The following FBXO36 variants were observed in gnomAD, a reference collection of about 807,000 sequenced individuals.
FBXO36 encodes F-box protein 36.
In FBXO36, 18 loss-of-function variants were observed where a neutral mutation model predicts 17.0. The observed-to-expected ratio is 1.06, with a 90% CI of 0.73 to 1.57. FBXO36 has a LOEUF of 1.57. Ranked by LOEUF, FBXO36 falls within the 40% of genes most tolerant of loss-of-function variation. FBXO36 has a pLI of 0.00. For missense variants in FBXO36, 229 were observed against 221.9 expected, an observed-to-expected ratio of 1.03 and a Z score of -0.20; for synonymous variants, 83 against 85.3, an observed-to-expected ratio of 0.97 and a Z score of 0.15.
intron 3 of FBXO36, 24 bp from the exon 4 acceptor site, chr2:230,010,672 A>G (rs2077410978): frequency 6.3e-7 from 1 of 1,586,526 alleles, no homozygotes; most frequent in South Asian, 1.1e-5. Flanking sequence ...GCTGTAACCC[A>G]CCTCTGACTT....
At chr2:229,928,387 C>CT (rs1336259617) in intron 1 of FBXO36, among the ~76,000 whole-genome samples, 1 of 152,178 alleles carries the variant, frequency 6.6e-6, no homozygotes, top group Non-Finnish European at 1.5e-5. Context: ...ATGATGCACT[C>CT]TTAAGAGTTA....
At chr2:229,926,080 A>C (rs2076910348) in intron 1 of FBXO36, among the ~76,000 whole-genome samples, 1 of 150,632 alleles carries the variant, frequency 6.6e-6, no homozygotes, top group South Asian at 2.1e-4. Context: ...GCTTGAACTA[A>C]GGAGTTTCAG....
intron 1 of FBXO36, among the ~76,000 whole-genome samples, chr2:229,928,650 A>G (rs2076924436): frequency 6.6e-6 from 1 of 152,038 alleles, no homozygotes; most frequent in Non-Finnish European, 1.5e-5. Flanking sequence ...TGTGTCCCAA[A>G]CTCCTGCTGT....
chr2:229,976,360 G>A lies in FBXO36; in HGVS notation c.205+11G>A. 1 of 1,566,096 alleles carries A rather than the reference G, an allele frequency of 6.4e-7. No individual in the cohort carries two copies. The highest frequency in any genetic ancestry group is 8.8e-7 in the Non-Finnish European group (1 of 1,136,634). On this transcript the variant is annotated intron_variant, in intron 2 of 3. Transcript: ENST00000283946. ...ATTCACATCTTCAAGGTAAGGAACG[G>A]AACATATTATATACCCCTGTTAAGT...
intron 1 of FBXO36, among the ~76,000 whole-genome samples, chr2:229,940,925 CT>C (rs1404038272): frequency 6.6e-6 from 1 of 152,154 alleles, no homozygotes; most frequent in Non-Finnish European, 1.5e-5. Flanking sequence ...GGCCCACCTA[CT>C]TGATTCGCCT....
chr2:229,945,928 A>C (rs771252640), intron 1 of FBXO36, among the ~76,000 whole-genome samples: 8 of 151,702 alleles, frequency 5.3e-5, no homozygotes, highest in Admixed American at 2.0e-4. Context: ...AGGCTGAGGC[A>C]GGAGAGTCCC....
At chr2:229,936,871 A>G (rs1053841787) in intron 1 of FBXO36, among the ~76,000 whole-genome samples, 1 of 152,164 alleles carries the variant, frequency 6.6e-6, no homozygotes, top group African/African-American at 2.4e-5. Flanking sequence ...ACCTTGTCTC[A>G]AAAATAAAAA....
At chr2:229,950,153 C>A (rs900744815) in intron 1 of FBXO36, among the ~76,000 whole-genome samples, 1 of 152,030 alleles carries the variant, frequency 6.6e-6, no homozygotes, top group Admixed American at 6.6e-5. Flanking sequence ...CCAGGCTGGG[C>A]GCAGTGGCTC....
At chr2:229,996,944 G>A in intron 3 of FBXO36, 21 bp downstream of exon 3, 2 of 1,594,600 alleles carry the variant, frequency 1.3e-6, no homozygotes, top group Non-Finnish European at 1.7e-6. Flanking sequence ...ATTATTTTAT[G>A]TCTATATAGA....
intron 1 of FBXO36, among the ~76,000 whole-genome samples, chr2:229,936,190 A>C (rs1041522566): frequency 6.6e-6 from 1 of 151,908 alleles, no homozygotes; most frequent in Non-Finnish European, 1.5e-5. Flanking sequence ...CGTCTCAAAA[A>C]ACAAACAAAC....
intron 1 of FBXO36, among the ~76,000 whole-genome samples, chr2:229,955,423 G>A (rs1326132205): frequency 1.3e-5 from 2 of 152,032 alleles, no homozygotes; most frequent in Non-Finnish European, 2.9e-5. Context: ...GGCTGAGGTG[G>A]TAGGATCCCT....
At chr2:229,950,297 G>A (rs920392533) in intron 1 of FBXO36, among the ~76,000 whole-genome samples, 20 of 151,972 alleles carry the variant, frequency 1.3e-4, no homozygotes, top group African/African-American at 2.7e-4. Flanking sequence ...ATGGTGGCAC[G>A]TGCCTGTAAT....
At chr2:229,936,180 C>A (rs538074526) in intron 1 of FBXO36, among the ~76,000 whole-genome samples, 1 of 151,844 alleles carries the variant, frequency 6.6e-6, no homozygotes, top group African/African-American at 2.4e-5. Flanking sequence ...AGTGAAACTC[C>A]GTCTCAAAAA....
intron 2 of FBXO36, among the ~76,000 whole-genome samples, chr2:229,979,717 TAA>T (rs767598239): frequency 4.9e-5 from 7 of 142,414 alleles, no homozygotes; most frequent in South Asian, 2.2e-4. Context: ...GAGGCGGAGT[TAA>T]AAAAAAAAAA....
intron 2 of FBXO36, among the ~76,000 whole-genome samples, chr2:229,992,314 T>A (rs2077301971): frequency 6.6e-6 from 1 of 152,070 alleles, no homozygotes; most frequent in Non-Finnish European, 1.5e-5. Flanking sequence ...CCCGCCTCCA[T>A]GCCCAGCTGA....
chr2:229,924,006 A>T (rs1290771204), intron 1 of FBXO36, among the ~76,000 whole-genome samples: 2 of 150,334 alleles, frequency 1.3e-5, no homozygotes, highest in Non-Finnish European at 3.0e-5. Flanking sequence ...GGCCTCCCAA[A>T]GTGCTGGGAT....
At chr2:229,968,583 T>C (rs574109077) in intron 1 of FBXO36, among the ~76,000 whole-genome samples, 2 of 152,252 alleles carry the variant, frequency 1.3e-5, no homozygotes, top group Admixed American at 1.3e-4. Flanking sequence ...TCCCCTTGTC[T>C]CAGCCCCACT....
intron 1 of FBXO36, among the ~76,000 whole-genome samples, chr2:229,962,843 A>G (rs2077130625): frequency 1.3e-5 from 2 of 151,160 alleles, no homozygotes; most frequent in African/African-American, 4.9e-5. Context: ...ACATCTGGCT[A>G]ATTTTGTATT....
chr2:230,005,192 C>T (rs2077380509), intron 3 of FBXO36, among the ~76,000 whole-genome samples: 1 of 152,122 alleles, frequency 6.6e-6, no homozygotes, highest in South Asian at 2.1e-4. Flanking sequence ...GCCTTCACCT[C>T]CTGGGCTCAA....
Sources: gnomAD v4.1 joint callset for allele counts (sites outside exome capture counted in the v4.1 genomes callset) on GRCh38, gnomAD v4.1.1 for gene constraint, MANE v1.5 for transcripts, NCBI Gene and HGNC (gene_info 2026-07-23, HGNC 2026-07-21) for gene names.